Variants in PRR5L observed in about 807,000 individuals in gnomAD.
The protein encoded by PRR5L is proline rich 5 like, also known as proline-rich protein 5-like.
A neutral mutation model predicts 36.4 loss-of-function variants in PRR5L; 21 were observed. The observed-to-expected ratio is 0.58, with a 90% CI of 0.41 to 0.83. The LOEUF (loss-of-function observed/expected upper bound fraction) is 0.83, where lower values mean the gene tolerates loss of function less well. PRR5L is among the 40% of genes least tolerant of loss of function. The pLI is 0.00. For missense variants in PRR5L, 381 were observed against 473.3 expected (o/e 0.80, Z 1.81); for synonymous variants, 188 against 197.0 (o/e 0.95, Z 0.38).
In PRR5L at chr11:36,337,251, A is replaced by G. The variant is rs148207986; in HGVS notation, c.-126+40813A>G. ...TTTCAGAGGTGATTAGGCCATGAGG[A>G]CTCCATCCTCCTGAATGGGATTAGT... On this transcript the variant is annotated intron_variant, in intron 1 of 8. Transcript: ENST00000530639. 3.3e-3 allele frequency among the ~76,000 whole-genome samples: 504 copies of G among 152,176 alleles called. 9 individuals are homozygous for G. Among genetic ancestry groups the G allele is most frequent in the Admixed American group, 0.03 (464 of 15,282 alleles).
chr11:36,347,003 A>G (rs1856874348), intron 1 of PRR5L, among the ~76,000 whole-genome samples: 1 of 152,256 alleles, frequency 6.6e-6, no homozygotes, highest in Admixed American at 6.5e-5. Context: ...GCAGTGGATC[A>G]GATTTTGTCT....
At chr11:36,382,332 G>T (rs1001769098) in intron 1 of PRR5L, among the ~76,000 whole-genome samples, 2 of 152,222 alleles carry the variant, frequency 1.3e-5, no homozygotes, top group Non-Finnish European at 2.9e-5. Context: ...ACCATGGTGA[G>T]TTGCTCAGTT....
chr11:36,445,862 T>G (rs560893315), intron 6 of PRR5L, among the ~76,000 whole-genome samples: 21 of 152,352 alleles, frequency 1.4e-4, no homozygotes, highest in Admixed American at 1.3e-3. Context: ...TAAATTACAG[T>G]ATTTATACAA....
intron 1 of PRR5L, among the ~76,000 whole-genome samples, chr11:36,355,490 A>G (rs1857016461): frequency 6.6e-6 from 1 of 151,986 alleles, no homozygotes; most frequent in African/African-American, 2.4e-5. Context: ...AGTGAATTGT[A>G]CAAGCAAGAT....
chr11:36,328,813 A>T (rs917288622), intron 1 of PRR5L, among the ~76,000 whole-genome samples: 6 of 152,034 alleles, frequency 3.9e-5, no homozygotes, highest in Admixed American at 3.3e-4. Flanking sequence ...CAGAAAAAAT[A>T]CTCTTTATAG....
intron 1 of PRR5L, among the ~76,000 whole-genome samples, chr11:36,354,078 C>T (rs1857002422): frequency 6.6e-6 from 1 of 152,190 alleles, no homozygotes; most frequent in African/African-American, 2.4e-5. Flanking sequence ...ACTTCATTGT[C>T]AGGAGCACCT....
chr11:36,389,025 A>G (rs1857512564), intron 1 of PRR5L, among the ~76,000 whole-genome samples: 2 of 152,200 alleles, frequency 1.3e-5, no homozygotes, highest in African/African-American at 2.4e-5. Flanking sequence ...TTAGAGCTGC[A>G]TCACCTTCCA....
intron 1 of PRR5L, among the ~76,000 whole-genome samples, chr11:36,392,933 T>C (rs1302562131): frequency 6.6e-6 from 1 of 152,244 alleles, no homozygotes; most frequent in East Asian, 1.9e-4. Flanking sequence ...CATCAAATGA[T>C]GTTGCACATC....
At chr11:36,454,382 C>T (rs1314802035) in intron 8 of PRR5L, among the ~76,000 whole-genome samples, 1 of 152,178 alleles carries the variant, frequency 6.6e-6, no homozygotes, top group Non-Finnish European at 1.5e-5. Context: ...CTCTCAGGGC[C>T]TCCGTCTACC....
At chr11:36,391,395 TC>T (rs1253599452) in intron 1 of PRR5L, among the ~76,000 whole-genome samples, 1 of 152,218 alleles carries the variant, frequency 6.6e-6, no homozygotes, top group East Asian at 1.9e-4. Flanking sequence ...GATGACACAT[TC>T]TTTTTCTCCT....
intron 1 of PRR5L, among the ~76,000 whole-genome samples, chr11:36,301,599 G>A (rs561968754): frequency 6.6e-6 from 1 of 152,274 alleles, no homozygotes; most frequent in Admixed American, 6.5e-5. Flanking sequence ...AGGAAGTGGG[G>A]CATGGGGGGT....
In PRR5L at chr11:36,344,786, C is replaced by T. The variant is rs1049739471; in HGVS notation, c.-126+48348C>T. Among the ~76,000 whole-genome samples the T allele has an allele frequency of 5.5e-4, 83 of 152,082 alleles. No individual in the cohort carries two copies. Among genetic ancestry groups the T allele is most frequent in the African/African-American group, 2.0e-3 (83 of 41,392 alleles). On this transcript the variant is annotated intron_variant, in intron 1 of 8. Coordinates refer to ENST00000530639, the MANE Select transcript of PRR5L (RefSeq NM_001160167.2). The surrounding 1 kb of genome is among the most constrained non-coding windows in gnomAD (Gnocchi z 4.1). ...GGATTCTGACTGAGAATGAACTGAC[C>T]AGCCATCAGGTTTAATTAGTGCTAC...
chr11:36,428,724 C>T (rs1858433489), intron 4 of PRR5L, among the ~76,000 whole-genome samples: 1 of 152,146 alleles, frequency 6.6e-6, no homozygotes, highest in Admixed American at 6.5e-5. Context: ...AAGATAAGAG[C>T]AAAATCTACA....
intron 3 of PRR5L, among the ~76,000 whole-genome samples, chr11:36,417,148 C>T (rs1239012624): frequency 6.6e-6 from 1 of 152,212 alleles, no homozygotes; most frequent in Non-Finnish European, 1.5e-5. Flanking sequence ...GCACATTAGT[C>T]CCTCAGCATC....
At chr11:36,388,698 C>CTTTTTTTTTTT (rs36056659) in intron 1 of PRR5L, among the ~76,000 whole-genome samples, 2 of 109,130 alleles carry the variant, frequency 1.8e-5, no homozygotes, top group Non-Finnish European at 1.7e-5. Context: ...CTCTTTCTTT[C>CTTTTTTTTTTT]TTTTTTTTTT....
At chr11:36,382,747 C>T (rs1565431464) in intron 1 of PRR5L, among the ~76,000 whole-genome samples, 1 of 152,198 alleles carries the variant, frequency 6.6e-6, no homozygotes, top group Admixed American at 6.5e-5. Context: ...GCATCCTCCA[C>T]TCTCATAGTT....
chr11:36,337,701 T>A (rs1856782173), intron 1 of PRR5L, among the ~76,000 whole-genome samples: 1 of 152,232 alleles, frequency 6.6e-6, no homozygotes, highest in South Asian at 2.1e-4. Context: ...CCGCATGGTA[T>A]CCTCCACACC....
intron 4 of PRR5L, among the ~76,000 whole-genome samples, chr11:36,428,218 T>C (rs1468451276): frequency 6.6e-6 from 1 of 152,070 alleles, no homozygotes; most frequent in Non-Finnish European, 1.5e-5. Flanking sequence ...TGAAAATCCC[T>C]CCTGGGGAGG....
rs572472233 is a variant in PRR5L, at chr11:36,418,283, A to G, written c.246-972A>G. ...TGTGGTCCCCTTGGAAGACTGCCTC[A>G]GTCCATTGGGCATGGGTTGTAAGAC... On this transcript the variant is annotated intron_variant, in intron 3 of 8. Transcript: ENST00000530639. Among the ~76,000 whole-genome samples, 5 of 152,284 alleles carry G rather than the reference A, an allele frequency of 3.3e-5. No homozygotes were observed. The South Asian group carries it at 1.0e-3, about 32-fold the overall frequency.
Sources: gnomAD v4.1 joint callset for allele counts (sites outside exome capture counted in the v4.1 genomes callset) on GRCh38, gnomAD v4.1.1 for gene constraint, Gnocchi (gnomAD v3.1) non-coding constraint, MANE v1.5 for transcripts, NCBI Gene and HGNC (gene_info 2026-07-23, HGNC 2026-07-21) for gene names.